The following GOLM2 variants were observed in gnomAD, a reference collection of about 807,000 sequenced individuals.
GOLM2 encodes protein GOLM2.
Under a neutral mutation model 55.9 loss-of-function variants are expected in GOLM2, and 26 were observed. The observed-to-expected ratio is 0.47, with a 90% CI of 0.34 to 0.65. The LOEUF is 0.65. Ranked by LOEUF, GOLM2 falls within the 30% of genes least tolerant of loss-of-function variation. GOLM2 has a pLI of 0.01. For synonymous variants in GOLM2, 165 were observed against 194.6 expected (o/e 0.85, Z 1.27); for missense variants, 486 against 531.8 (o/e 0.91, Z 0.85).
intron 6 of GOLM2, among the ~76,000 whole-genome samples, chr15:44,346,670 T>C (rs2079126585): frequency 6.6e-6 from 1 of 152,138 alleles, no homozygotes; most frequent in African/African-American, 2.4e-5. Flanking sequence ...GAAAGTTCTG[T>C]TGGACAGTAC....
At chr15:44,333,123 A>C (rs1392923962) in intron 4 of GOLM2, among the ~76,000 whole-genome samples, 1 of 152,008 alleles carries the variant, frequency 6.6e-6, no homozygotes, top group African/African-American at 2.4e-5. Context: ...TAGTAGAGAC[A>C]GGGTTTCACC....
intron 6 of GOLM2, among the ~76,000 whole-genome samples, chr15:44,356,438 A>T (rs1279617870): frequency 6.6e-6 from 1 of 152,216 alleles, no homozygotes; most frequent in Non-Finnish European, 1.5e-5. Context: ...AAATAAAGGA[A>T]TACTATGAAC....
rs1220676575 is a variant in GOLM2, at chr15:44,415,344, A to G, written c.*1938A>G. On this transcript the variant is annotated 3_prime_UTR_variant, in exon 10 of 10. Coordinates refer to ENST00000299957, the MANE Select transcript of GOLM2 (RefSeq NM_138423.4). Reference sequence around the variant, plus strand: ...AGATGAATCAAAAAATACCCCTAGTAATGCTTTATATTTTAATACTGCAAA... The same window carrying G: ...AGATGAATCAAAAAATACCCCTAGTGATGCTTTATATTTTAATACTGCAAA... 6.6e-6 allele frequency: 1 copy of G among 152,636 alleles called. No homozygotes were observed. The highest frequency in any genetic ancestry group is 1.9e-4 in the East Asian group (1 of 5,198). The allele number at this position is 152,636 out of a possible 1,614,324, so 9.5% of individuals were successfully genotyped here.
chr15:44,385,150 A>T (rs2079434453), intron 8 of GOLM2, among the ~76,000 whole-genome samples: 1 of 152,146 alleles, frequency 6.6e-6, no homozygotes, highest in African/African-American at 2.4e-5. Context: ...TTTATGTACA[A>T]GTTTTTTTGA....
At position 44,344,300 on chromosome 15, in the gene GOLM2, T is replaced by C. The variant is rs565974706; in HGVS notation, c.802+5983T>C. On this transcript the variant is annotated intron_variant, in intron 6 of 9. Transcript: ENST00000299957. ...GTATATGTGTGTGTATATATATATA[T>C]ATATATATATACCTCTGAAATAGTC... Among the ~76,000 whole-genome samples, 4 of 150,332 alleles carry C rather than the reference T, an allele frequency of 2.7e-5. No individual in the cohort carries two copies. The East Asian group carries it at 7.8e-4, about 29-fold the overall frequency.
At chr15:44,361,795 C>A (rs968812509) in intron 6 of GOLM2, among the ~76,000 whole-genome samples, 1 of 151,936 alleles carries the variant, frequency 6.6e-6, no homozygotes, top group African/African-American at 2.4e-5. Flanking sequence ...CAAAAATCCT[C>A]AAAATACTGG....
At chr15:44,410,244 C>T (rs928380617) in intron 9 of GOLM2, among the ~76,000 whole-genome samples, 1 of 152,092 alleles carries the variant, frequency 6.6e-6, no homozygotes, top group African/African-American at 2.4e-5. Context: ...CGAGACCATC[C>T]TGGCTAACAC....
At chr15:44,314,888 G>C (rs1001917141) in intron 1 of GOLM2, among the ~76,000 whole-genome samples, 43 of 152,340 alleles carry the variant, frequency 2.8e-4, no homozygotes, top group African/African-American at 1.0e-3. Flanking sequence ...TAGGGAGGTT[G>C]TGAGAATTAA....
At chr15:44,349,644 A>G (rs2079148474) in intron 6 of GOLM2, among the ~76,000 whole-genome samples, 2 of 151,036 alleles carry the variant, frequency 1.3e-5, no homozygotes, top group Admixed American at 6.7e-5. Context: ...AAATGGACCT[A>G]ATAGATATTT....
At position 44,403,027 on chromosome 15, in the gene GOLM2, G is replaced by A. The variant is rs575086116; in HGVS notation, c.1213G>A (p.Gly405Ser). ...GCTGGCTTACAATGAGGAAGAAGATGGTGATGGTGGAGAGGAAGACGTCCA... is the reference window on the plus strand; with the variant it reads ...GCTGGCTTACAATGAGGAAGAAGATAGTGATGGTGGAGAGGAAGACGTCCA... ...AELAYNEEED[G>S]DGGEEDVQDD... The change falls in exon 9 of 10, where the codon GGT becomes AGT. Residue 405 changes from glycine to serine, a missense_variant. Coordinates refer to ENST00000299957, the MANE Select transcript of GOLM2 (RefSeq NM_138423.4). The A allele has an allele frequency of 6.2e-7, 1 of 1,614,090 alleles. No individual in the cohort carries two copies. Among genetic ancestry groups the A allele is most frequent in the South Asian group, 1.1e-5 (1 of 91,084 alleles).
At chr15:44,365,372 C>G (rs1304122620) in intron 6 of GOLM2, among the ~76,000 whole-genome samples, 1 of 151,906 alleles carries the variant, frequency 6.6e-6, no homozygotes, top group Non-Finnish European at 1.5e-5. Flanking sequence ...ACAGAGAATA[C>G]AAAAATTAGC....
chr15:44,316,516 G>T (rs2078910833), intron 1 of GOLM2, among the ~76,000 whole-genome samples: 1 of 152,160 alleles, frequency 6.6e-6, no homozygotes, highest in Non-Finnish European at 1.5e-5. Context: ...AGCACTTTGG[G>T]AGGCCGAGGC....
At chr15:44,409,768 T>G (rs1398885467) in intron 9 of GOLM2, 3 of 147,894 alleles carry the variant, frequency 2.0e-5, no homozygotes, top group Non-Finnish European at 4.5e-5. Flanking sequence ...ATACAAAAAT[T>G]ATCCGGGCAT....
intron 8 of GOLM2, among the ~76,000 whole-genome samples, chr15:44,395,303 C>T (rs576514573): frequency 1.3e-5 from 2 of 151,604 alleles, no homozygotes; most frequent in African/African-American, 2.4e-5. Context: ...CCACTGCGCC[C>T]GGCCAAAATA....
At chr15:44,334,582 C>A (rs1191728784) in intron 4 of GOLM2, among the ~76,000 whole-genome samples, 1 of 152,070 alleles carries the variant, frequency 6.6e-6, no homozygotes, top group Non-Finnish European at 1.5e-5. Flanking sequence ...AAAAAATTAT[C>A]TTAGTACTTG....
At chr15:44,358,967 T>A (rs1206893930) in intron 6 of GOLM2, among the ~76,000 whole-genome samples, 1 of 147,816 alleles carries the variant, frequency 6.8e-6, no homozygotes, top group Non-Finnish European at 1.5e-5. Context: ...CCATCCTGGC[T>A]AACATGGTGA....
Position 44,347,261 on chromosome 15 carries a change from A to T in GOLM2, c.802+8944A>T, listed in dbSNP as rs369701468. On this transcript the variant is annotated intron_variant, in intron 6 of 9. Transcript: ENST00000299957. Reference sequence around the variant, plus strand: ...GAAAAGTACCTTCATGAGAGCCAAAAATCAGGTGAGCAATCACAGTACCTG... The same window carrying T: ...GAAAAGTACCTTCATGAGAGCCAAATATCAGGTGAGCAATCACAGTACCTG... 2.0e-5 allele frequency among the ~76,000 whole-genome samples: 3 copies of T among 152,214 alleles called. No homozygotes were observed. The East Asian group carries it at 5.8e-4, about 29-fold the overall frequency.
rs980432238 is a variant in GOLM2 at position 44,289,475 on chromosome 15, C to T, written c.327+119C>T. On this transcript the variant is annotated intron_variant, in intron 1 of 9. Transcript: ENST00000299957. This position sits in a 1 kb window ranked among gnomAD's most constrained non-coding sequence, Gnocchi z 4.8. The stretch of plus-strand genomic sequence containing the variant: ...TTCCAGTATTTCAGTCCTGAAGGCT[C>T]CTTTCACCCCCAACAACCCTGTTTC... 15 of 884,630 alleles carry T rather than the reference C, an allele frequency of 1.7e-5. No homozygotes were observed. In the African/African-American group the frequency reaches 2.0e-4, roughly 12 times the overall value. 54.8% of individuals were successfully genotyped at this position (884,630 alleles called of 1,614,324 possible). A position where few individuals can be genotyped will look rare whatever the true frequency, so the allele number is the denominator to read the frequency against.
At chr15:44,297,527 T>G (rs1343164165) in intron 1 of GOLM2, among the ~76,000 whole-genome samples, 1 of 152,076 alleles carries the variant, frequency 6.6e-6, no homozygotes, top group East Asian at 1.9e-4. Context: ...GTTTCTTGCC[T>G]CTTTTCTGTA....
Sources: gnomAD v4.1 joint callset for allele counts (sites outside exome capture counted in the v4.1 genomes callset) on GRCh38, gnomAD v4.1.1 for gene constraint, Gnocchi (gnomAD v3.1) non-coding constraint, MANE v1.5 for transcripts, NCBI Gene and HGNC (gene_info 2026-07-23, HGNC 2026-07-21) for gene names.